Variants in OPCML observed in about 807,000 individuals in gnomAD.
OPCML encodes opioid binding protein/cell adhesion molecule like.
OPCML carries 13 observed loss-of-function variants against 37.8 expected under a neutral mutation model. The ratio of observed to expected loss-of-function variants is 0.34; its 90% CI spans 0.22 to 0.55. OPCML has a LOEUF of 0.55. OPCML is among the 20% of genes least tolerant of loss of function. The probability of loss-of-function intolerance (pLI) is 0.91; values close to 1 mark genes in which losing one functional copy is unlikely to be tolerated. For synonymous variants in OPCML, 176 were observed against 168.8 expected (o/e 1.04, Z -0.33); for missense variants, 341 against 435.6 (o/e 0.78, Z 1.93).
At chr11:132,439,172 A>T (rs2096023382) in intron 4 of OPCML, among the ~76,000 whole-genome samples, 1 of 152,144 alleles carries the variant, frequency 6.6e-6, no homozygotes, top group Admixed American at 6.6e-5. Context: ...GTTCAGAGTC[A>T]TTGGGAAATC....
intron 1 of OPCML, among the ~76,000 whole-genome samples, chr11:133,081,023 C>G (rs1032186418): frequency 6.6e-6 from 1 of 151,994 alleles, no homozygotes; most frequent in Non-Finnish European, 1.5e-5. Flanking sequence ...GGACCAGTTT[C>G]AACATTATAT....
chr11:132,800,215 T>G (rs1021087915), intron 2 of OPCML, among the ~76,000 whole-genome samples: 5 of 152,210 alleles, frequency 3.3e-5, no homozygotes, highest in Admixed American at 2.0e-4. Context: ...ATTTTTGGAT[T>G]GCTCATTGCA....
chr11:132,696,264 G>T (rs764366970), intron 2 of OPCML, among the ~76,000 whole-genome samples: 1 of 152,142 alleles, frequency 6.6e-6, no homozygotes, highest in Non-Finnish European at 1.5e-5. Context: ...ATTTATGGGA[G>T]AAACTCAGTA....
intron 3 of OPCML, among the ~76,000 whole-genome samples, chr11:132,648,694 TC>T (rs1035093498): frequency 6.6e-6 from 1 of 152,048 alleles, no homozygotes; most frequent in African/African-American, 2.4e-5. Flanking sequence ...GTAAAAATCA[TC>T]ATCAAACCAG....
chr11:132,766,351 T>A (rs1946443242), intron 2 of OPCML, among the ~76,000 whole-genome samples: 1 of 152,156 alleles, frequency 6.6e-6, no homozygotes, highest in African/African-American at 2.4e-5. Flanking sequence ...AATGGTAACA[T>A]TAAAGTGGAG....
At chr11:132,897,635 G>C (rs757660181) in intron 2 of OPCML, among the ~76,000 whole-genome samples, 2 of 152,188 alleles carry the variant, frequency 1.3e-5, no homozygotes, top group African/African-American at 2.4e-5. Context: ...CCAGCTAAAA[G>C]TGGACAGCTG....
chr11:133,483,997 CTAGA>C lies in OPCML; in HGVS notation c.61+48263_61+48266del, dbSNP rs559180125. On this transcript the variant is annotated intron_variant, in intron 1 of 7. Coordinates refer to ENST00000524381, the MANE Select transcript of OPCML (RefSeq NM_001012393.5). ...GGTAGATAGAAAGATAGCTAGCTAG[CTAGA>C]TAGATAGATAGACAAATAGATGGAC... Among the ~76,000 whole-genome samples, 819 of 144,876 alleles carry C rather than the reference CTAGA, an allele frequency of 5.7e-3. 14 individuals are homozygous for C. The highest frequency in any genetic ancestry group is 0.02 in the African/African-American group (770 of 39,262).
chr11:133,269,391 A>G (rs751958116), intron 1 of OPCML, among the ~76,000 whole-genome samples: 7 of 152,196 alleles, frequency 4.6e-5, no homozygotes, highest in South Asian at 2.1e-4. Flanking sequence ...CAGAGCCACA[A>G]GGTGCTTCTT....
chr11:132,839,901 CAG>C (rs1941216204), intron 2 of OPCML, among the ~76,000 whole-genome samples: 1 of 152,172 alleles, frequency 6.6e-6, no homozygotes, highest in African/African-American at 2.4e-5. Flanking sequence ...GCTTTGTGGA[CAG>C]AGTGTCTTCC....
intron 1 of OPCML, among the ~76,000 whole-genome samples, chr11:133,152,983 G>C (rs951214532): frequency 2.0e-5 from 3 of 152,044 alleles, no homozygotes; most frequent in African/African-American, 7.3e-5. Flanking sequence ...TGGCGAGGGA[G>C]CAGTCTCCAC....
At chr11:132,663,179 A>G (rs1178846579) in intron 2 of OPCML, among the ~76,000 whole-genome samples, 1 of 152,238 alleles carries the variant, frequency 6.6e-6, no homozygotes, top group Non-Finnish European at 1.5e-5. Flanking sequence ...GTGTTAAACT[A>G]CGAATGTCAC....
chr11:132,761,388 T>C (rs1049809810), intron 2 of OPCML, among the ~76,000 whole-genome samples: 2 of 152,152 alleles, frequency 1.3e-5, no homozygotes, highest in African/African-American at 4.8e-5. Flanking sequence ...CTGGATGATA[T>C]CACGAAGTGT....
At chr11:132,787,839 C>T (rs1215826293) in intron 2 of OPCML, among the ~76,000 whole-genome samples, 1 of 152,072 alleles carries the variant, frequency 6.6e-6, no homozygotes, top group Non-Finnish European at 1.5e-5. Flanking sequence ...GTATTCTTGA[C>T]CTGTATATCC....
intron 1 of OPCML, among the ~76,000 whole-genome samples, chr11:133,090,832 G>A (rs1230678302): frequency 6.6e-6 from 1 of 152,206 alleles, no homozygotes; most frequent in Non-Finnish European, 1.5e-5. Context: ...ACAGAAAAGT[G>A]TGTTTGAGAG....
At chr11:133,035,309 A>G (rs1430364170) in intron 1 of OPCML, among the ~76,000 whole-genome samples, 1 of 152,180 alleles carries the variant, frequency 6.6e-6, no homozygotes, top group Non-Finnish European at 1.5e-5. Context: ...TTGCAGGTGC[A>G]TGTTCATGGA....
intron 4 of OPCML, among the ~76,000 whole-genome samples, chr11:132,498,089 T>G (rs1161910457): frequency 6.6e-6 from 1 of 152,228 alleles, no homozygotes; most frequent in African/African-American, 2.4e-5. Flanking sequence ...TATATTTTTA[T>G]AGATTTTAAC....
intron 1 of OPCML, among the ~76,000 whole-genome samples, chr11:133,242,418 G>C (rs1020543994): frequency 6.6e-6 from 1 of 152,136 alleles, no homozygotes; most frequent in Non-Finnish European, 1.5e-5. Flanking sequence ...CTTAAATGGC[G>C]GCAATTTATT....
intron 1 of OPCML, among the ~76,000 whole-genome samples, chr11:133,253,007 G>T (rs533571843): frequency 6.6e-6 from 1 of 151,970 alleles, no homozygotes; most frequent in African/African-American, 2.4e-5. Context: ...TTAGCTGGGC[G>T]TGGTGGTGGG....
At chr11:132,794,913 A>G (rs1591621135) in intron 2 of OPCML, among the ~76,000 whole-genome samples, 1 of 140,296 alleles carries the variant, frequency 7.1e-6, no homozygotes, top group Non-Finnish European at 1.6e-5. Context: ...AAAAAAAAAA[A>G]AGAAACTATA....
Sources: allele counts gnomAD v4.1 joint callset (sites outside exome capture counted in the v4.1 genomes callset), GRCh38; gene constraint gnomAD v4.1.1; transcripts MANE v1.5; gene names NCBI Gene and HGNC (gene_info 2026-07-23, HGNC 2026-07-21).